The following PRKDC variants were observed in gnomAD, a reference collection of about 807,000 sequenced individuals.
The protein encoded by PRKDC is DNA-dependent protein kinase catalytic subunit.
A neutral mutation model predicts 486.9 loss-of-function variants in PRKDC; 82 were observed. The ratio of observed to expected loss-of-function variants is 0.17; its 90% CI spans 0.14 to 0.20. The LOEUF (loss-of-function observed/expected upper bound fraction) is 0.20. Among genes scored for constraint, PRKDC ranks in the 10% least tolerant of loss-of-function variants. The pLI is 1.00. For synonymous variants in PRKDC, 1,895 were observed against 1,837.0 expected (o/e 1.03, Z -0.81); for missense variants, 4,504 against 5,038.2 (o/e 0.89, Z 3.21).
chr8:47,928,115 T>C (rs2090183679), intron 19 of PRKDC, among the ~76,000 whole-genome samples: 1 of 151,900 alleles, frequency 6.6e-6, no homozygotes, highest in African/African-American at 2.4e-5. Flanking sequence ...TCTTGAGTTG[T>C]CATCACTCAA....
intron 19 of PRKDC, among the ~76,000 whole-genome samples, chr8:47,928,739 A>ACT (rs2154503476): frequency 6.6e-6 from 1 of 151,948 alleles, no homozygotes; most frequent in South Asian, 2.1e-4. Flanking sequence ...CCTGGAGTAC[A>ACT]GTAGTGCAAT....
chr8:47,881,513 GAATC>G lies in PRKDC; in HGVS notation c.4966_4969del (p.Asp1656HisfsTer32). On this transcript the variant is annotated frameshift_variant, in exon 38 of 86. Transcript: ENST00000314191. LOFTEE classifies it high-confidence loss of function. Reference sequence around the variant, plus strand: ...ATGACTTGTATTAAAAGATACAGATGAATCAATCTAAAGGAAGGAAAAGAAAAAC... The same window carrying G: ...ATGACTTGTATTAAAAGATACAGATGAATCTAAAGGAAGGAAAAGAAAAAC... The G allele has an allele frequency of 6.7e-7, 1 of 1,493,672 alleles. No individual in the cohort carries two copies. Among genetic ancestry groups the G allele is most frequent in the Non-Finnish European group, 9.2e-7 (1 of 1,092,386 alleles). The allele number at this position is 1,493,672 out of a possible 1,614,324, so 92.5% of individuals were successfully genotyped here.
Position 47,936,361 on chromosome 8 carries a change from G to C in PRKDC, c.1270C>G (p.Leu424Val). 3 of 1,610,714 alleles carry C rather than the reference G, an allele frequency of 1.9e-6. No individual in the cohort carries two copies. The highest frequency in any genetic ancestry group is 2.5e-6 in the Non-Finnish European group (3 of 1,178,162). Reference protein sequence around the residue: ...LQSVASVLLYLDTVPEVYTPV... With the variant: ...LQSVASVLLYVDTVPEVYTPV... Reference sequence around the variant, plus strand: ...CAGTTTAGTTCACTTACTGTGTCAAGGTACAGCAAGACGCTTGCAACAGAC... The same window carrying C: ...CAGTTTAGTTCACTTACTGTGTCAACGTACAGCAAGACGCTTGCAACAGAC... Residue 424 changes from leucine to valine, a missense_variant, in exon 12 of 86, where the codon CTT (leucine) becomes GTT (valine). Physicochemically the swap from Leu to Val is conservative, Grantham distance 32. Coordinates refer to ENST00000314191, the MANE Select transcript of PRKDC (RefSeq NM_006904.7).
intron 55 of PRKDC, 30 bp from the exon 56 acceptor site, chr8:47,839,276 C>T (rs539811226): frequency 6.8e-7 from 1 of 1,465,426 alleles, no homozygotes; most frequent in African/African-American, 1.4e-5. Context: ...AATGTCACAA[C>T]ATTAATGCTC....
chr8:47,945,845 C>G (rs905358839), intron 7 of PRKDC, among the ~76,000 whole-genome samples: 55 of 152,104 alleles, frequency 3.6e-4, no homozygotes, highest in Non-Finnish European at 1.3e-4. Context: ...TCTCAGCCTC[C>G]CGAGTAGCTG....
At chr8:47,819,281 T>A (rs1385405731) in intron 67 of PRKDC, 121 bp downstream of exon 67, 4 of 599,636 alleles carry the variant, frequency 6.7e-6, no homozygotes, top group Non-Finnish European at 1.1e-5. Flanking sequence ...TAGAGGAAAT[T>A]CGATGGAGTT....
intron 26 of PRKDC, among the ~76,000 whole-genome samples, chr8:47,904,042 C>T (rs545647808): frequency 3.0e-4 from 46 of 152,190 alleles, no homozygotes; most frequent in African/African-American, 1.1e-3. Flanking sequence ...AACTTATTTG[C>T]ACAGGTTCAA....
At position 47,904,866 on chromosome 8, in the gene PRKDC, T is replaced by C; in HGVS notation, c.3042+3A>G. The stretch of plus-strand genomic sequence containing the variant: ...AAGAGGAAAAGAATCAACTATTACT[T>C]ACCAATATAGCTTCTAGTAAGGCAA... On this transcript the variant is annotated splice_donor_region_variant and intron_variant, in intron 26 of 85. Transcript: ENST00000314191. The C allele has an allele frequency of 1.9e-6, 3 of 1,564,302 alleles. No individual in the cohort carries two copies. Among genetic ancestry groups the C allele is most frequent in the Non-Finnish European group, 1.8e-6 (2 of 1,137,996 alleles).
chr8:47,778,060 A>T (rs1414042906), intron 83 of PRKDC, among the ~76,000 whole-genome samples, 186 bp from the exon 84 acceptor site: 1 of 152,204 alleles, frequency 6.6e-6, no homozygotes, highest in African/African-American at 2.4e-5. Flanking sequence ...GGCTTGAGTT[A>T]TCCCTCAATG....
Position 47,930,248 on chromosome 8 carries a change from T to C in PRKDC, c.1893-236A>G, listed in dbSNP as rs540131618. ...ATATTTTAAAGATCTATATAATCGA[T>C]TACAGATTTTGTCTTTTATTATTTG... On this transcript the variant is annotated intron_variant, in intron 17 of 85. Coordinates refer to ENST00000314191, the MANE Select transcript of PRKDC (RefSeq NM_006904.7). Among the ~76,000 whole-genome samples, 11 of 152,330 alleles carry C rather than the reference T, an allele frequency of 7.2e-5. No individual in the cohort carries two copies. The East Asian group carries it at 2.1e-3, about 29-fold the overall frequency.
At chr8:47,851,762 G>C (rs532812948) in intron 52 of PRKDC, among the ~76,000 whole-genome samples, 12 of 152,330 alleles carry the variant, frequency 7.9e-5, no homozygotes, top group African/African-American at 2.9e-4. Flanking sequence ...AAATGCAGCT[G>C]ACGAAAGGGA....
intron 48 of PRKDC, 144 bp from the exon 49 acceptor site, chr8:47,857,443 G>A (rs2088571379): frequency 1.2e-6 from 1 of 845,538 alleles, no homozygotes; most frequent in Non-Finnish European, 1.8e-6. Flanking sequence ...TTAAAGTGAA[G>A]GCATTAGTGT....
chr8:47,843,598 G>A (rs558444872), intron 54 of PRKDC, among the ~76,000 whole-genome samples: 55 of 152,254 alleles, frequency 3.6e-4, no homozygotes, highest in Non-Finnish European at 6.6e-4. Context: ...ATAGTTATCA[G>A]ATTTTCCAAG....
chr8:47,948,660 C>G (rs2090577204), intron 7 of PRKDC, among the ~76,000 whole-genome samples: 2 of 151,736 alleles, frequency 1.3e-5, no homozygotes, highest in Non-Finnish European at 2.9e-5. Flanking sequence ...CGGGGTTTCT[C>G]CATGTTGGTC....
In PRKDC at chr8:47,821,655, G is replaced by A. The variant is rs1282316402; in HGVS notation, c.9060C>T (p.Asp3020=). The change falls in exon 65 of 86, where the codon GAC becomes GAT. Residue 3020 remains aspartate, a synonymous_variant. Transcript: ENST00000314191. ...TATTTAGGTCTGGGGGGTTCTCACT[G>A]TCTATACTGGCTGTAGAACAGTATT... is the stretch of plus-strand genomic sequence containing the variant. The part of the protein sequence containing the change: ...SLEYCSTASI[D]SENPPDLNKI... 2 of 1,603,422 alleles carry A rather than the reference G, an allele frequency of 1.2e-6. No individual in the cohort carries two copies. The highest frequency in any genetic ancestry group is 2.2e-5 in the East Asian group (1 of 44,718).
chr8:47,873,775 G>A (rs929195121), intron 40 of PRKDC, among the ~76,000 whole-genome samples: 10 of 152,092 alleles, frequency 6.6e-5, no homozygotes, highest in East Asian at 3.9e-4. Flanking sequence ...ATCTTTGCGC[G>A]TTCTCACTTA....
chr8:47,867,695 C>T (rs1341651782), intron 40 of PRKDC, among the ~76,000 whole-genome samples: 1 of 152,076 alleles, frequency 6.6e-6, no homozygotes, highest in African/African-American at 2.4e-5. Context: ...AAAGAAGTTA[C>T]ATTAAAATCC....
In PRKDC at chr8:47,854,135, T is replaced by C; in HGVS notation, c.6841A>G (p.Met2281Val). ...TCATAGGGAGGCAGGTCATTGGCCA[T>C]CACGATGCCTAGCAATTGAATCCCT... ...SVGIQLLGIVMANDLPPYDPQ... is the reference protein window; with the variant it reads ...SVGIQLLGIVVANDLPPYDPQ... Residue 2281 changes from methionine (M) to valine (V), a missense_variant, in exon 51 of 86, where the codon ATG becomes GTG. Met to Val is a conservative substitution (Grantham distance 21). Coordinates refer to ENST00000314191, the MANE Select transcript of PRKDC (RefSeq NM_006904.7). 6.2e-7 allele frequency: 1 copy of C among 1,613,920 alleles called. No homozygotes were observed. The highest frequency in any genetic ancestry group is 1.6e-4 in the Middle Eastern group (1 of 6,062).
At chr8:47,906,725 G>A (rs537074040) in intron 25 of PRKDC, among the ~76,000 whole-genome samples, 6 of 151,410 alleles carry the variant, frequency 4.0e-5, no homozygotes, top group South Asian at 2.1e-4. Flanking sequence ...TTTTATAGGA[G>A]TACTGAGCCA....
Sources: allele counts gnomAD v4.1 joint callset (sites outside exome capture counted in the v4.1 genomes callset), GRCh38; gene constraint gnomAD v4.1.1; transcripts MANE v1.5; gene names NCBI Gene and HGNC (gene_info 2026-07-23, HGNC 2026-07-21).